Variants in ENOX1 observed in about 807,000 individuals in gnomAD.
The protein encoded by ENOX1 is ecto-NOX disulfide-thiol exchanger 1.
In ENOX1, 42 loss-of-function variants were observed where a neutral mutation model predicts 82.5. The observed-to-expected ratio is 0.51, with a 90% CI of 0.40 to 0.66. The LOEUF (loss-of-function observed/expected upper bound fraction) is 0.66, where lower values mean the gene tolerates loss of function less well. Ranked by LOEUF, ENOX1 falls within the 30% of genes least tolerant of loss-of-function variation. ENOX1 has a pLI of 0.00. For synonymous variants in ENOX1, 271 were observed against 282.2 expected (o/e 0.96, Z 0.40); for missense variants, 608 against 811.6 (o/e 0.75, Z 3.05).
chr13:43,474,834 T>C (rs907722410), intron 3 of ENOX1, among the ~76,000 whole-genome samples: 1 of 152,018 alleles, frequency 6.6e-6, no homozygotes, highest in African/African-American at 2.4e-5. Context: ...AAAACAAATA[T>C]AGAGTGATTT....
At chr13:43,713,561 C>A (rs1049777017) in intron 1 of ENOX1, among the ~76,000 whole-genome samples, 1 of 152,010 alleles carries the variant, frequency 6.6e-6, no homozygotes, top group Non-Finnish European at 1.5e-5. Context: ...TTTTGGTTGG[C>A]AAGCTATTGA....
chr13:43,432,897 T>C (rs2055770135), intron 3 of ENOX1, among the ~76,000 whole-genome samples: 1 of 152,128 alleles, frequency 6.6e-6, no homozygotes, highest in Admixed American at 6.6e-5. Flanking sequence ...ATACAAATCG[T>C]TAACCCTATT....
At chr13:43,779,309 T>C (rs550816692) in intron 1 of ENOX1, among the ~76,000 whole-genome samples, 25 of 151,792 alleles carry the variant, frequency 1.6e-4, no homozygotes, top group African/African-American at 6.0e-4. Flanking sequence ...GGTAGAGGAA[T>C]GGAGAAGGGA....
chr13:43,296,652 G>T (rs1286865853), intron 12 of ENOX1, among the ~76,000 whole-genome samples: 2 of 152,324 alleles, frequency 1.3e-5, no homozygotes, highest in Admixed American at 6.5e-5. Flanking sequence ...GATGGCTCAG[G>T]TGGTGATTTG....
chr13:43,413,433 C>T (rs2054255860), intron 3 of ENOX1, among the ~76,000 whole-genome samples: 1 of 151,808 alleles, frequency 6.6e-6, no homozygotes, highest in African/African-American at 2.4e-5. Context: ...GGAATGTATT[C>T]AGAGAGGGAA....
intron 2 of ENOX1, among the ~76,000 whole-genome samples, chr13:43,551,702 T>C (rs2079202556): frequency 6.6e-6 from 1 of 152,178 alleles, no homozygotes; most frequent in Admixed American, 6.5e-5. Flanking sequence ...CCGATCATGA[T>C]GGCAAAATTG....
chr13:43,501,175 A>T (rs2076968426), intron 2 of ENOX1, among the ~76,000 whole-genome samples: 1 of 151,858 alleles, frequency 6.6e-6, no homozygotes, highest in Non-Finnish European at 1.5e-5. Context: ...TGAAAAAAAA[A>T]TACTCAAAGC....
intron 3 of ENOX1, among the ~76,000 whole-genome samples, chr13:43,471,078 A>G (rs967351944): frequency 6.6e-6 from 1 of 152,252 alleles, no homozygotes; most frequent in African/African-American, 2.4e-5. Flanking sequence ...ATAGAAGCTC[A>G]TTCATACTAG....
chr13:43,284,771 GGTGTGTGTGTGTGTGTGTGTGTGTGTGT>G (rs72187459), intron 12 of ENOX1, among the ~76,000 whole-genome samples: 1 of 143,684 alleles, frequency 7.0e-6, no homozygotes, highest in Non-Finnish European at 1.5e-5. Context: ...ATTTGTTAAA[GGTGTGTGTGTGTGTGTGTGTGTGTGTGT>G]GTGTGTGTGT....
chr13:43,597,191 G>A (rs763616074), intron 2 of ENOX1, among the ~76,000 whole-genome samples: 3 of 152,162 alleles, frequency 2.0e-5, no homozygotes, highest in Admixed American at 2.0e-4. Flanking sequence ...GAAGAGCAAA[G>A]GGGAAGTCTG....
chr13:43,514,464 G>T (rs1460928959), intron 2 of ENOX1, among the ~76,000 whole-genome samples: 1 of 151,978 alleles, frequency 6.6e-6, no homozygotes, highest in Non-Finnish European at 1.5e-5. Context: ...ATATGAACTT[G>T]TACTTGTAGC....
chr13:43,369,400 G>A (rs889863663), intron 5 of ENOX1, among the ~76,000 whole-genome samples: 1 of 152,184 alleles, frequency 6.6e-6, no homozygotes, highest in East Asian at 1.9e-4. Flanking sequence ...TTCTGAACTT[G>A]TATGTATAAA....
chr13:43,564,875 T>C (rs367902432), intron 2 of ENOX1, among the ~76,000 whole-genome samples: 2 of 152,114 alleles, frequency 1.3e-5, no homozygotes, highest in South Asian at 4.1e-4. Flanking sequence ...AGTAATGATA[T>C]TGTACTATCA....
In ENOX1 at chr13:43,486,427, C is replaced by A. The variant is rs985290357; in HGVS notation, c.-218-2275G>T. On this transcript the variant is annotated intron_variant, in intron 2 of 16. Coordinates refer to ENST00000690772, the MANE Select transcript of ENOX1 (RefSeq NM_001347969.2). Reference sequence around the variant, plus strand: ...AACAAACAAACAAAAAAACCAACAACCAAATTTTCAGATTAAATGCCTAAA... The same window carrying A: ...AACAAACAAACAAAAAAACCAACAAACAAATTTTCAGATTAAATGCCTAAA... Among the ~76,000 whole-genome samples, 7 of 152,012 alleles carry A rather than the reference C, an allele frequency of 4.6e-5. No homozygotes were observed. In the South Asian group the frequency reaches 1.0e-3, roughly 23 times the overall value.
intron 5 of ENOX1, among the ~76,000 whole-genome samples, chr13:43,404,095 C>T (rs1313438927): frequency 1.3e-5 from 2 of 152,190 alleles, no homozygotes; most frequent in African/African-American, 2.4e-5. Flanking sequence ...TCCCTCCCCT[C>T]TTGCCATTCT....
chr13:43,389,104 T>C (rs1226958530), intron 5 of ENOX1, among the ~76,000 whole-genome samples: 1 of 152,190 alleles, frequency 6.6e-6, no homozygotes, highest in Non-Finnish European at 1.5e-5. Flanking sequence ...ATAGCAAACA[T>C]TCAAGTAAGT....
intron 11 of ENOX1, among the ~76,000 whole-genome samples, chr13:43,307,463 C>G (rs1391591846): frequency 6.6e-6 from 1 of 152,186 alleles, no homozygotes; most frequent in East Asian, 1.9e-4. Context: ...AGAGCCACCT[C>G]CCTGGCCTTT....
intron 9 of ENOX1, among the ~76,000 whole-genome samples, chr13:43,331,144 G>A (rs1312780256): frequency 6.6e-6 from 1 of 152,158 alleles, no homozygotes; most frequent in Admixed American, 6.5e-5. Flanking sequence ...CAGATTTCTG[G>A]GCTGCACAAG....
At chr13:43,639,396 G>A (rs1007143844) in intron 2 of ENOX1, among the ~76,000 whole-genome samples, 2 of 152,156 alleles carry the variant, frequency 1.3e-5, no homozygotes, top group South Asian at 4.1e-4. Context: ...AGAACAAACT[G>A]TTTATTGTAC....
Sources: gnomAD v4.1 joint callset for allele counts (sites outside exome capture counted in the v4.1 genomes callset) on GRCh38, gnomAD v4.1.1 for gene constraint, MANE v1.5 for transcripts, NCBI Gene and HGNC (gene_info 2026-07-23, HGNC 2026-07-21) for gene names.